ADAM7: variants seen among roughly 807,000 people sequenced by gnomAD.
ADAM7 encodes the protein disintegrin and metalloproteinase domain-containing protein 7.
Under a neutral mutation model 102.9 loss-of-function variants are expected in ADAM7, and 97 were observed. The ratio of observed to expected loss-of-function variants is 0.94; its 90% confidence interval spans 0.80 to 1.12. The LOEUF (loss-of-function observed/expected upper bound fraction) is 1.12, where lower values mean the gene tolerates loss of function less well. Ranked by LOEUF, ADAM7 falls within the 50% of genes most tolerant of loss-of-function variation. The pLI is 0.00. For missense variants in ADAM7, 991 were observed against 908.7 expected (o/e 1.09, Z -1.16); for synonymous variants, 334 against 304.4 (o/e 1.10, Z -1.01).
chr8:24,446,465 G>C (rs956418832), intron 2 of ADAM7, among the ~76,000 whole-genome samples: 2 of 152,014 alleles, frequency 1.3e-5, no homozygotes, highest in Non-Finnish European at 2.9e-5. Flanking sequence ...ATGATAGTTT[G>C]GCAATAGTTA....
chr8:24,492,185 A>C, intron 14 of ADAM7, 87 bp downstream of exon 14: 1 of 1,271,526 alleles, frequency 7.9e-7, no homozygotes, highest in East Asian at 2.3e-5. Flanking sequence ...TCAAGATCAG[A>C]TATAATGTCA....
intron 7 of ADAM7, among the ~76,000 whole-genome samples, chr8:24,471,464 G>GT: frequency 1.4e-5 from 1 of 69,662 alleles, no homozygotes; most frequent in Non-Finnish European, 3.0e-5. Context: ...AAGTGTACCA[G>GT]GTTTTTTTTT....
chr8:24,489,587 A>C (rs1341318758), intron 12 of ADAM7, among the ~76,000 whole-genome samples: 1 of 152,058 alleles, frequency 6.6e-6, no homozygotes, highest in Admixed American at 6.6e-5. Flanking sequence ...GTTAATATAT[A>C]ATTGGTTCTG....
chr8:24,482,715 C>A (rs916735433), intron 9 of ADAM7, among the ~76,000 whole-genome samples: 2 of 152,164 alleles, frequency 1.3e-5, no homozygotes, highest in African/African-American at 4.8e-5. Context: ...TGCCACTGCA[C>A]TCCAGCCTGA....
intron 8 of ADAM7, among the ~76,000 whole-genome samples, chr8:24,478,291 T>C (rs1456465435): frequency 6.6e-6 from 1 of 152,146 alleles, no homozygotes; most frequent in African/African-American, 2.4e-5. Flanking sequence ...GACAATTTCT[T>C]GCCACACAGT....
intron 3 of ADAM7, among the ~76,000 whole-genome samples, chr8:24,450,940 G>A (rs920475320): frequency 3.3e-5 from 5 of 152,162 alleles, no homozygotes; most frequent in African/African-American, 9.7e-5. Flanking sequence ...CTGTTTATAT[G>A]CTAGATTACA....
chr8:24,508,141 T>TG, intron 21 of ADAM7, among the ~76,000 whole-genome samples: 1 of 152,282 alleles, frequency 6.6e-6, no homozygotes, highest in South Asian at 2.1e-4. Flanking sequence ...CACTAGGCAC[T>TG]GGATTAGTAT....
At chr8:24,448,311 A>C (rs926224777) in intron 3 of ADAM7, among the ~76,000 whole-genome samples, 2 of 152,116 alleles carry the variant, frequency 1.3e-5, no homozygotes, top group Admixed American at 6.6e-5. Context: ...TTACCTTCAC[A>C]ATTACCCCAG....
intron 7 of ADAM7, among the ~76,000 whole-genome samples, chr8:24,470,927 G>A (rs901753889): frequency 1.3e-5 from 2 of 152,090 alleles, no homozygotes; most frequent in African/African-American, 2.4e-5. Flanking sequence ...TCCAGAAGAA[G>A]GCATTGTTAT....
intron 16 of ADAM7, among the ~76,000 whole-genome samples, chr8:24,498,578 A>G (rs1291850861): frequency 6.6e-6 from 1 of 151,414 alleles, no homozygotes; most frequent in Non-Finnish European, 1.5e-5. Context: ...TTATTCCAAT[A>G]AATATAGATG....
At chr8:24,500,443 C>T (rs750844783) in intron 18 of ADAM7, among the ~76,000 whole-genome samples, 187 bp downstream of exon 18, 42 of 152,296 alleles carry the variant, frequency 2.8e-4, no homozygotes, top group Non-Finnish European at 5.1e-4. Flanking sequence ...TTCCCTTTTA[C>T]AGCCAATGTA....
At chr8:24,468,944 G>C (rs1429705615) in intron 7 of ADAM7, 124 bp downstream of exon 7, 16 of 909,808 alleles carry the variant, frequency 1.8e-5, no homozygotes, top group Non-Finnish European at 2.6e-5. Flanking sequence ...CCTATTTTTA[G>C]CTTCCCAAAA....
intron 16 of ADAM7, 63 bp downstream of exon 16, chr8:24,493,292 G>T: frequency 4.3e-6 from 6 of 1,403,218 alleles, no homozygotes; most frequent in Non-Finnish European, 5.7e-6. Context: ...AACATTACTG[G>T]ATACTGTAAT....
At chr8:24,479,100 A>C (rs1487255112) in intron 8 of ADAM7, among the ~76,000 whole-genome samples, 4 of 152,018 alleles carry the variant, frequency 2.6e-5, no homozygotes, top group Non-Finnish European at 4.4e-5. Flanking sequence ...CAGCACGTTT[A>C]TTGAGAGCCA....
chr8:24,491,060 G>A (rs1323737644), intron 13 of ADAM7, among the ~76,000 whole-genome samples, 172 bp downstream of exon 13: 1 of 152,284 alleles, frequency 6.6e-6, no homozygotes, highest in South Asian at 2.1e-4. Flanking sequence ...GCATTGGGCT[G>A]TGCTATGGCC....
Position 24,487,148 on chromosome 8 carries a change from A to G in ADAM7, c.961-39A>G, listed in dbSNP as rs375693284. ...GAAGCACTATGTACTACAGTATGCT[A>G]ACTTTTGAAAATTTCTAATGCAATT... is the stretch of plus-strand genomic sequence containing the variant. On this transcript the variant is annotated intron_variant, in intron 10 of 21. Coordinates refer to ENST00000175238, the MANE Select transcript of ADAM7 (RefSeq NM_003817.4). The G allele has an allele frequency of 2.1e-5, 34 of 1,602,682 alleles. No homozygotes were observed. The African/African-American group carries it at 4.2e-4, about 20-fold the overall frequency.
intron 2 of ADAM7, among the ~76,000 whole-genome samples, chr8:24,446,958 A>G (rs1299567477): frequency 6.6e-6 from 1 of 150,698 alleles, no homozygotes; most frequent in Non-Finnish European, 1.5e-5. Context: ...ATTTTATTCT[A>G]ATATAACTAG....
intron 16 of ADAM7, among the ~76,000 whole-genome samples, chr8:24,493,661 T>C (rs769395145): frequency 2.0e-5 from 3 of 152,178 alleles, no homozygotes; most frequent in African/African-American, 4.8e-5. Context: ...ATGATTACAG[T>C]TCAAAAAATT....
At position 24,501,460 on chromosome 8, in the gene ADAM7, A is replaced by T; in HGVS notation, c.2109-17A>T. Reference sequence around the variant, plus strand: ...CCTATATCTAATAAATTAGTTGTTCAATTTCCTTCTTGACAGCCCACCTAC... The same window carrying T: ...CCTATATCTAATAAATTAGTTGTTCTATTTCCTTCTTGACAGCCCACCTAC... On this transcript the variant is annotated splice_polypyrimidine_tract_variant and intron_variant, in intron 19 of 21. Transcript: ENST00000175238. 6.3e-7 allele frequency: 1 copy of T among 1,583,106 alleles called. No homozygotes were observed. Among genetic ancestry groups the T allele is most frequent in the South Asian group, 1.2e-5 (1 of 85,722 alleles).
Sources: allele counts gnomAD v4.1 joint callset (sites outside exome capture counted in the v4.1 genomes callset), GRCh38; gene constraint gnomAD v4.1.1; transcripts MANE v1.5; gene names NCBI Gene and HGNC (gene_info 2026-07-23, HGNC 2026-07-21).